Variants in GABRB3 observed in about 807,000 individuals in gnomAD.
GABRB3 encodes gamma-aminobutyric acid receptor subunit beta-3.
GABRB3 carries 14 observed loss-of-function variants against 52.1 expected under a neutral mutation model. The ratio of observed to expected loss-of-function variants is 0.27; its 90% CI spans 0.18 to 0.42. The LOEUF (loss-of-function observed/expected upper bound fraction) is 0.42, where lower values mean the gene tolerates loss of function less well. GABRB3 is among the 10% of genes least tolerant of loss of function. The probability of loss-of-function intolerance (pLI) is 1.00; values close to 1 mark genes in which losing one functional copy is unlikely to be tolerated. For synonymous variants in GABRB3, 260 were observed against 232.3 expected, an observed-to-expected ratio of 1.12 and a Z score of -1.08; for missense variants, 307 against 609.1, an observed-to-expected ratio of 0.50 and a Z score of 5.22.
At chr15:26,658,113 C>G (rs370635531) in intron 3 of GABRB3, among the ~76,000 whole-genome samples, 4 of 152,160 alleles carry the variant, frequency 2.6e-5, no homozygotes, top group African/African-American at 7.2e-5. Flanking sequence ...GATGGACCAG[C>G]TGGTGCCACC....
rs145322715 is a variant in GABRB3 at position 26,670,711 on chromosome 15, T to C, written c.241-49177A>G. On this transcript the variant is annotated intron_variant, in intron 3 of 8. Transcript: ENST00000311550. ...AAAATTATGAAGTGTAACTGTACTT[T>C]GAGCAATTTGATGAGATTCATATAT... 1.9e-3 allele frequency among the ~76,000 whole-genome samples: 286 copies of C among 152,336 alleles called. 2 individuals carry two copies. Among genetic ancestry groups the C allele is most frequent in the African/African-American group, 6.5e-3 (271 of 41,578 alleles).
chr15:26,667,645 T>C (rs370532067), intron 3 of GABRB3, among the ~76,000 whole-genome samples: 2 of 152,210 alleles, frequency 1.3e-5, no homozygotes, highest in East Asian at 3.8e-4. Context: ...AATCTAACGG[T>C]AATTCCTTCT....
At chr15:26,660,839 G>A (rs909802401) in intron 3 of GABRB3, among the ~76,000 whole-genome samples, 1 of 152,100 alleles carries the variant, frequency 6.6e-6, no homozygotes, top group Non-Finnish European at 1.5e-5. Flanking sequence ...TGTTTGGTTT[G>A]GGGGGGCAAG....
chr15:26,747,052 C>A (rs997631527), intron 3 of GABRB3, among the ~76,000 whole-genome samples: 47 of 152,280 alleles, frequency 3.1e-4, no homozygotes, highest in African/African-American at 1.0e-3. Context: ...GGGTCTATTT[C>A]TGAATTGACT....
intron 6 of GABRB3, among the ~76,000 whole-genome samples, chr15:26,576,001 T>A (rs1890577961): frequency 6.6e-6 from 1 of 152,224 alleles, no homozygotes; most frequent in Non-Finnish European, 1.5e-5. Flanking sequence ...AATTTCAGAT[T>A]TGGCAAAAAC....
intron 3 of GABRB3, among the ~76,000 whole-genome samples, chr15:26,714,368 T>C (rs1052480233): frequency 6.6e-6 from 1 of 152,188 alleles, no homozygotes; most frequent in Non-Finnish European, 1.5e-5. Context: ...AGGCTGCAAG[T>C]CCGTGACACA....
At chr15:26,598,999 A>G (rs1423695439) in intron 4 of GABRB3, among the ~76,000 whole-genome samples, 2 of 152,220 alleles carry the variant, frequency 1.3e-5, no homozygotes, top group Non-Finnish European at 1.5e-5. Context: ...CTGCCCAGGC[A>G]GGGAGACTCC....
chr15:26,728,335 A>C (rs766225163), intron 3 of GABRB3, among the ~76,000 whole-genome samples: 4 of 152,228 alleles, frequency 2.6e-5, no homozygotes, highest in Admixed American at 2.6e-4. Context: ...ACACATATGG[A>C]GACTCTGTTG....
At chr15:26,743,486 C>G (rs1020666706) in intron 3 of GABRB3, among the ~76,000 whole-genome samples, 4 of 152,134 alleles carry the variant, frequency 2.6e-5, no homozygotes, top group Non-Finnish European at 5.9e-5. Context: ...AAATTGTAGG[C>G]TTTTGGCTAC....
intron 3 of GABRB3, among the ~76,000 whole-genome samples, chr15:26,741,797 T>C (rs1480199104): frequency 6.6e-6 from 1 of 152,058 alleles, no homozygotes; most frequent in Non-Finnish European, 1.5e-5. Flanking sequence ...TTTGTAGAGA[T>C]GGGGGTCTCG....
intron 6 of GABRB3, among the ~76,000 whole-genome samples, chr15:26,570,976 G>C (rs1438182793): frequency 6.6e-6 from 1 of 152,080 alleles, no homozygotes; most frequent in Non-Finnish European, 1.5e-5. Context: ...ACTTCTGAAG[G>C]CTGAATGAAT....
chr15:26,643,926 G>C (rs1330216209), intron 3 of GABRB3, among the ~76,000 whole-genome samples: 1 of 152,160 alleles, frequency 6.6e-6, no homozygotes, highest in Non-Finnish European at 1.5e-5. Flanking sequence ...GTCTGCCTTA[G>C]TGGGGCTTCG....
chr15:26,561,797 G>A (rs1042439702), intron 7 of GABRB3, among the ~76,000 whole-genome samples: 2 of 152,218 alleles, frequency 1.3e-5, no homozygotes, highest in Admixed American at 1.3e-4. Flanking sequence ...AAGCTTCTGA[G>A]GGAAGATGAT....
chr15:26,649,889 C>T (rs1048786678), intron 3 of GABRB3, among the ~76,000 whole-genome samples: 5 of 151,974 alleles, frequency 3.3e-5, no homozygotes, highest in Admixed American at 2.6e-4. Context: ...TTGTAATTTC[C>T]GAATCTCCTA....
intron 3 of GABRB3, among the ~76,000 whole-genome samples, chr15:26,713,378 G>A (rs1442333481): frequency 1.3e-5 from 2 of 152,138 alleles, no homozygotes; most frequent in Admixed American, 6.5e-5. Context: ...AGGATGGACA[G>A]GCAGAGAGTG....
At chr15:26,553,746 C>A (rs1889570430) in intron 8 of GABRB3, among the ~76,000 whole-genome samples, 1 of 151,956 alleles carries the variant, frequency 6.6e-6, no homozygotes, top group African/African-American at 2.4e-5. Context: ...ACCATCTTGC[C>A]CTGTCCTTAG....
intron 4 of GABRB3, chr15:26,615,974 C>T: frequency 7.8e-7 from 1 of 1,289,182 alleles, no homozygotes; most frequent in Non-Finnish European, 1.0e-6. Flanking sequence ...GGAACAACCC[C>T]AGCTCTCTGC....
At chr15:26,726,382 TG>T (rs1889771338) in intron 3 of GABRB3, among the ~76,000 whole-genome samples, 1 of 152,204 alleles carries the variant, frequency 6.6e-6, no homozygotes, top group Non-Finnish European at 1.5e-5. Context: ...ACATCAACAA[TG>T]GTCTCATATT....
chr15:26,565,485 C>T (rs1890133078), intron 7 of GABRB3, among the ~76,000 whole-genome samples: 1 of 152,122 alleles, frequency 6.6e-6, no homozygotes, highest in Non-Finnish European at 1.5e-5. Context: ...GTCAATCCTC[C>T]AATGTTGAAG....
Sources: gnomAD v4.1 joint callset for allele counts (sites outside exome capture counted in the v4.1 genomes callset) on GRCh38, gnomAD v4.1.1 for gene constraint, MANE v1.5 for transcripts, NCBI Gene and HGNC (gene_info 2026-07-23, HGNC 2026-07-21) for gene names.